Variants in DLC1 observed in about 807,000 individuals in gnomAD.
DLC1 encodes the protein rho GTPase-activating protein 7.
In DLC1, 54 loss-of-function variants were observed where a neutral mutation model predicts 140.3. The observed-to-expected ratio is 0.38, with a 90% confidence interval of 0.31 to 0.48. The LOEUF (loss-of-function observed/expected upper bound fraction) is 0.48. Ranked by LOEUF, DLC1 falls within the 20% of genes least tolerant of loss-of-function variation. The pLI is 0.96. For synonymous variants in DLC1, 986 were observed against 728.1 expected (o/e 1.35, Z -5.70); for missense variants, 2,536 against 1,907.0 (o/e 1.33, Z -6.14).
intron 1 of DLC1, among the ~76,000 whole-genome samples, chr8:13,595,403 G>T (rs781502534): frequency 6.6e-6 from 1 of 151,998 alleles, no homozygotes; most frequent in African/African-American, 2.4e-5. Context: ...TATGCAAACA[G>T]AAATTGTATA....
At chr8:13,465,589 A>AT (rs919789272) in intron 2 of DLC1, among the ~76,000 whole-genome samples, 36 of 151,618 alleles carry the variant, frequency 2.4e-4, no homozygotes, top group African/African-American at 8.0e-4. Context: ...GGTTATTTGT[A>AT]TTTTTTTATT....
At chr8:13,565,935 A>C (rs1000382255) in intron 1 of DLC1, among the ~76,000 whole-genome samples, 1 of 152,192 alleles carries the variant, frequency 6.6e-6, no homozygotes, top group African/African-American at 2.4e-5. Flanking sequence ...CAGTTAGAAA[A>C]AAGGTTAGAG....
intron 5 of DLC1, among the ~76,000 whole-genome samples, chr8:13,265,337 G>A (rs574500567): frequency 5.3e-5 from 8 of 152,200 alleles, no homozygotes; most frequent in Admixed American, 3.3e-4. Flanking sequence ...AATAAAAAAT[G>A]GTAAAGAAAA....
chr8:13,138,920 A>G (rs1262833436), intron 5 of DLC1, among the ~76,000 whole-genome samples: 1 of 152,204 alleles, frequency 6.6e-6, no homozygotes, highest in Non-Finnish European at 1.5e-5. Context: ...CAGACCTTCT[A>G]TTGATTACAA....
chr8:13,175,333 T>G lies in DLC1; in HGVS notation c.1349-59676A>C, dbSNP rs189365177. Among the ~76,000 whole-genome samples the G allele has an allele frequency of 3.7e-3, 563 of 152,076 alleles. 1 individual carries two copies. Among genetic ancestry groups the G allele is most frequent in the Non-Finnish European group, 6.5e-3 (442 of 67,980 alleles). On this transcript the variant is annotated intron_variant, in intron 5 of 17. Transcript: ENST00000276297. Reference sequence around the variant, plus strand: ...TTTTTTTTTTTGCTTAGGATTATTTTTGCTATTCAGGCTCGTTTTTGGTTT... The same window carrying G: ...TTTTTTTTTTTGCTTAGGATTATTTGTGCTATTCAGGCTCGTTTTTGGTTT...
intron 5 of DLC1, among the ~76,000 whole-genome samples, chr8:13,192,478 A>T (rs1826816737): frequency 6.6e-6 from 1 of 152,198 alleles, no homozygotes; most frequent in Non-Finnish European, 1.5e-5. Flanking sequence ...TTTCCCACAC[A>T]TGCGTACATA....
At chr8:13,453,493 T>TATATATGTATATATATAC (rs1799231927) in intron 2 of DLC1, among the ~76,000 whole-genome samples, 1 of 32,378 alleles carries the variant, frequency 3.1e-5, no homozygotes, top group Non-Finnish European at 5.4e-5. Flanking sequence ...TATATATACA[T>TATATATGTATATATATAC]ATATATATGT....
intron 4 of DLC1, among the ~76,000 whole-genome samples, chr8:13,360,138 T>C (rs1006474729): frequency 5.3e-5 from 8 of 152,206 alleles, no homozygotes. Context: ...ATTAATTTCA[T>C]GTGTCTGAGT....
intron 5 of DLC1, among the ~76,000 whole-genome samples, chr8:13,130,375 G>A (rs370921290): frequency 1.3e-5 from 2 of 152,192 alleles, no homozygotes; most frequent in African/African-American, 4.8e-5. Context: ...GTAATAGCTT[G>A]TTGAATCACA....
chr8:13,253,922 C>T (rs985943574), intron 5 of DLC1, among the ~76,000 whole-genome samples: 1 of 152,178 alleles, frequency 6.6e-6, no homozygotes, highest in African/African-American at 2.4e-5. Context: ...CACCACAGCC[C>T]TGACGTCAGG....
At chr8:13,428,584 C>T (rs1396405175) in intron 2 of DLC1, among the ~76,000 whole-genome samples, 1 of 152,092 alleles carries the variant, frequency 6.6e-6, no homozygotes, top group Non-Finnish European at 1.5e-5. Flanking sequence ...TCTCACAGAA[C>T]ACTAGTTCGG....
chr8:13,247,502 G>A (rs765283145), intron 5 of DLC1, among the ~76,000 whole-genome samples: 2 of 152,146 alleles, frequency 1.3e-5, no homozygotes, highest in Non-Finnish European at 2.9e-5. Flanking sequence ...TGAGACAGAT[G>A]TATTCATATC....
chr8:13,413,279 G>C (rs1407711818), intron 2 of DLC1, among the ~76,000 whole-genome samples: 3 of 12,184 alleles, frequency 2.5e-4, no homozygotes, highest in African/African-American at 6.4e-4. Context: ...TTTTTTTTTA[G>C]CTCATCAACT....
intron 4 of DLC1, among the ~76,000 whole-genome samples, chr8:13,306,670 A>T (rs1832449362): frequency 6.6e-6 from 1 of 152,068 alleles, no homozygotes. Context: ...GAGAAATAGC[A>T]AATATCAAGA....
intron 4 of DLC1, among the ~76,000 whole-genome samples, chr8:13,346,707 C>T (rs12678977): frequency 0.32 from 48,513 of 152,028 alleles, 8,277 homozygotes; most frequent in East Asian, 0.4. Flanking sequence ...AGTGGGCTTG[C>T]CAATGAAAAC....
At chr8:13,167,528 G>C (rs191493205) in intron 5 of DLC1, among the ~76,000 whole-genome samples, 6 of 152,266 alleles carry the variant, frequency 3.9e-5, no homozygotes, top group East Asian at 1.9e-4. Flanking sequence ...GGGTCTCAAA[G>C]CTGCTATTTG....
intron 5 of DLC1, among the ~76,000 whole-genome samples, chr8:13,256,090 A>G (rs1830214377): frequency 6.6e-6 from 1 of 152,214 alleles, no homozygotes; most frequent in South Asian, 2.1e-4. Flanking sequence ...CAAGGTCTCA[A>G]GAGCTAGTTG....
At chr8:13,394,168 C>T (rs1241636838) in intron 3 of DLC1, among the ~76,000 whole-genome samples, 1 of 152,198 alleles carries the variant, frequency 6.6e-6, no homozygotes, top group Non-Finnish European at 1.5e-5. Context: ...CCTATTCAAC[C>T]TCTATGGTGA....
intron 4 of DLC1, among the ~76,000 whole-genome samples, chr8:13,319,485 G>T (rs956554740): frequency 1.2e-4 from 12 of 102,322 alleles, no homozygotes; most frequent in African/African-American, 3.6e-4. Context: ...GGGGGGGGGG[G>T]GTGGATTTCC....
Sources: gnomAD v4.1 joint callset for allele counts (sites outside exome capture counted in the v4.1 genomes callset) on GRCh38, gnomAD v4.1.1 for gene constraint, MANE v1.5 for transcripts, NCBI Gene and HGNC (gene_info 2026-07-23, HGNC 2026-07-21) for gene names.